DNAH1: variants seen among roughly 807,000 people sequenced by gnomAD.
DNAH1 encodes axonemal beta dynein heavy chain 1.
DNAH1 carries 327 observed loss-of-function variants against 484.3 expected under a neutral mutation model. The ratio of observed to expected loss-of-function variants is 0.68; its 90% confidence interval spans 0.62 to 0.74. The LOEUF (loss-of-function observed/expected upper bound fraction) is 0.74. Ranked by LOEUF, DNAH1 falls within the 30% of genes least tolerant of loss-of-function variation. The pLI, the probability that DNAH1 is intolerant of heterozygous loss-of-function variation, is 0.00. For synonymous variants in DNAH1, 2,192 were observed against 2,191.9 expected, an observed-to-expected ratio of 1.00 and a Z score of 0.00; for missense variants, 5,052 against 5,546.8, an observed-to-expected ratio of 0.91 and a Z score of 2.83.
chr3:52,398,130 A>G lies in DNAH1; in HGVS notation c.12057A>G (p.Ser4019=), dbSNP rs754010945. The G allele has an allele frequency of 1.2e-6, 2 of 1,613,440 alleles. No individual in the cohort carries two copies. Among genetic ancestry groups the G allele is most frequent in the Non-Finnish European group, 1.7e-6 (2 of 1,179,812 alleles). ...AGTACCCAGTGCTGTATGAGGAATC[A>G]ATGAACACAGTACTAGTACAAGAGG... ...MAKYPVLYEE[S]MNTVLVQEVI... The change falls in exon 75 of 78, where the codon TCA becomes TCG. Residue 4019 remains serine, a synonymous_variant. Coordinates refer to ENST00000420323, the MANE Select transcript of DNAH1 (RefSeq NM_015512.5).
In DNAH1 at chr3:52,392,712, A is replaced by G. The variant is rs753193553; in HGVS notation, c.10278+23A>G. 2.4e-6 allele frequency: 3 copies of G among 1,246,434 alleles called. No individual in the cohort carries two copies. The South Asian group carries it at 3.9e-5, about 16-fold the overall frequency. 77.2% of individuals were successfully genotyped at this position (1,246,434 alleles called of 1,614,324 possible). ...CAGGTCAGCTGCTGCCTGCCCACCC[A>G]CCTGCCCCGGGAGTGCCCCGGGCCT... is the stretch of plus-strand genomic sequence containing the variant. On this transcript the variant is annotated intron_variant, in intron 64 of 77. Transcript: ENST00000420323.
At chr3:52,340,187 A>G (rs1701884695) in intron 8 of DNAH1, among the ~76,000 whole-genome samples, 1 of 152,100 alleles carries the variant, frequency 6.6e-6, no homozygotes, top group Admixed American at 6.5e-5. Flanking sequence ...GGCTCAAGTA[A>G]TCCTCCTGCC....
intron 36 of DNAH1, 147 bp downstream of exon 36, chr3:52,367,034 T>G: frequency 1.0e-6 from 1 of 993,700 alleles, no homozygotes; most frequent in African/African-American, 1.6e-5. Context: ...TTCTACTTCC[T>G]CGCTGAGTGA....
At chr3:52,319,973 C>G (rs1046942262) in intron 1 of DNAH1, among the ~76,000 whole-genome samples, 6 of 152,144 alleles carry the variant, frequency 3.9e-5, no homozygotes, top group African/African-American at 1.4e-4. Flanking sequence ...CCCCAGCAAC[C>G]CTGCAGTTTC....
Position 52,352,617 on chromosome 3 carries a change from G to A in DNAH1, c.2937G>A (p.Val979=), listed in dbSNP as rs751764813. 1 of 1,612,890 alleles carries A rather than the reference G, an allele frequency of 6.2e-7. No individual in the cohort carries two copies. Among genetic ancestry groups the A allele is most frequent in the Non-Finnish European group, 8.5e-7 (1 of 1,179,692 alleles). Residue 979 remains valine (V), a synonymous_variant, in exon 18 of 78, where the codon GTG becomes GTA. Coordinates refer to ENST00000420323, the MANE Select transcript of DNAH1 (RefSeq NM_015512.5). The stretch of plus-strand genomic sequence containing the variant: ...GTGCACACGAGATCGCCAACGAGGT[G>A]CGGCGTGTCAAGAAGCAGCTGAAGG... ...ISRAHEIANE[V]RRVKKQLKDC... is the part of the protein sequence containing the mutation.
chr3:52,368,690 C>G lies in DNAH1; in HGVS notation c.5766-51C>G, dbSNP rs1478858164. ...GGCTTCCCTGGGAGCCAGCTGTGCT[C>G]GAAGCACCGCCTCCCTGATGTTTCC... On this transcript the variant is annotated intron_variant, in intron 36 of 77. Coordinates refer to ENST00000420323, the MANE Select transcript of DNAH1 (RefSeq NM_015512.5). This position sits in a 1 kb window ranked among gnomAD's most constrained non-coding sequence, Gnocchi z 4.4. 8 of 1,575,906 alleles carry G rather than the reference C, an allele frequency of 5.1e-6. No homozygotes were observed. The highest frequency in any genetic ancestry group is 6.9e-6 in the Non-Finnish European group (8 of 1,154,286).
Position 52,388,196 on chromosome 3 carries a change from C to T in DNAH1, c.9033C>T (p.Ala3011=). 1.2e-6 allele frequency: 2 copies of T among 1,609,872 alleles called. No homozygotes were observed. The highest frequency in any genetic ancestry group is 4.5e-5 in the East Asian group (2 of 44,746). ...KDNIGDVVIK[A]IQPYIDNEEF... ...ACATTGGGGATGTGGTGATCAAAGCCATCCAGCCGTACATCGATAATGAAG... is the reference window on the plus strand; with the variant it reads ...ACATTGGGGATGTGGTGATCAAAGCTATCCAGCCGTACATCGATAATGAAG... The change falls in exon 57 of 78, where the codon GCC becomes GCT. Residue 3011 remains alanine, a synonymous_variant. Transcript: ENST00000420323.
Position 52,366,855 on chromosome 3 carries a change from G to C in DNAH1, c.5733G>C (p.Leu1911=). 3.1e-6 allele frequency: 5 copies of C among 1,613,758 alleles called. No homozygotes were observed. Among genetic ancestry groups the C allele is most frequent in the Non-Finnish European group, 3.4e-6 (4 of 1,179,728 alleles). The change falls in exon 36 of 78, where the codon CTG becomes CTC. Residue 1911 remains leucine (L), a synonymous_variant. Transcript: ENST00000420323. ...LNPKSITMGQ[L]YGEFDLLTHE... ...CCAAGTCCATCACGATGGGCCAGCT[G>C]TACGGGGAGTTTGACCTCCTCACCC...
In DNAH1 at chr3:52,381,929, G is replaced by A. The variant is rs746729492; in HGVS notation, c.7805+93G>A. The A allele has an allele frequency of 7.3e-5, 99 of 1,361,680 alleles. No individual in the cohort carries two copies. Among genetic ancestry groups the A allele is most frequent in the Non-Finnish European group, 9.3e-5 (94 of 1,013,584 alleles). The allele number at this position is 1,361,680 out of a possible 1,614,324, so 84.3% of individuals were successfully genotyped here. A position where few individuals can be genotyped will look rare whatever the true frequency, so the allele number is the denominator to read the frequency against. ...GCTTTTGCACAGTGGTAGAGGCCTC[G>A]GGCAACCCTGAAGTAGGCCCGTGCA... On this transcript the variant is annotated intron_variant, in intron 49 of 77. Transcript: ENST00000420323. This position sits in a 1 kb window ranked among gnomAD's most constrained non-coding sequence, Gnocchi z 4.1.
Position 52,386,698 on chromosome 3 carries a change from CTG to C in DNAH1, c.8849_8850del (p.Leu2950ArgfsTer27). The C allele has an allele frequency of 1.9e-6, 3 of 1,592,030 alleles. No individual in the cohort carries two copies. The highest frequency in any genetic ancestry group is 2.6e-6 in the Non-Finnish European group (3 of 1,169,716). The part of the protein sequence containing the change: ...AMQRPPPGVK[L>X]VIEAVCIMKG... Reference sequence around the variant, plus strand: ...GCAGCGGCCACCCCCGGGTGTGAAACTGGTCATAGAAGCTGTGTGCATTATGA... The same window carrying C: ...GCAGCGGCCACCCCCGGGTGTGAAACGTCATAGAAGCTGTGTGCATTATGA... On this transcript the variant is annotated frameshift_variant, in exon 56 of 78. Coordinates refer to ENST00000420323, the MANE Select transcript of DNAH1 (RefSeq NM_015512.5). LOFTEE classifies it high-confidence loss of function.
rs1702458349 is a variant in DNAH1, at chr3:52,353,018, A to AGG, written c.3028-84_3028-83dup. ...TCAGCCAGGAGCAAGGGAGAGGGAGAGGACCTGGCCCAAGAAGGGGCAACA... is the reference window on the plus strand; with the variant it reads ...TCAGCCAGGAGCAAGGGAGAGGGAGAGGGGACCTGGCCCAAGAAGGGGCAACA... On this transcript the variant is annotated intron_variant, in intron 18 of 77. Transcript: ENST00000420323. This position sits in a 1 kb window ranked among gnomAD's most constrained non-coding sequence, Gnocchi z 5.0. The AGG allele has an allele frequency of 7.4e-7, 1 of 1,351,446 alleles. No homozygotes were observed. The highest frequency in any genetic ancestry group is 1.5e-5 in the African/African-American group (1 of 68,814). 83.7% of individuals were successfully genotyped at this position (1,351,446 alleles called of 1,614,324 possible).
Position 52,344,541 on chromosome 3 carries a change from G to A in DNAH1, c.1338G>A (p.Glu446=), listed in dbSNP as rs776309231. 3 of 1,614,022 alleles carry A rather than the reference G, an allele frequency of 1.9e-6. No individual in the cohort carries two copies. The highest frequency in any genetic ancestry group is 2.2e-5 in the East Asian group (1 of 44,888). Residue 446 remains glutamate (E), a synonymous_variant, in exon 9 of 78, where the codon GAG becomes GAA. Transcript: ENST00000420323. The stretch of plus-strand genomic sequence containing the variant: ...CCAGAGAAGTGAGCCTGGACTATGA[G>A]CGCAGCATGAACAAGATCAACTTTG... ...SLAREVSLDY[E]RSMNKINFDH...
chr3:52,391,418 T>G (rs1704375728), intron 62 of DNAH1, 25 bp from the exon 63 acceptor site: 1 of 1,600,030 alleles, frequency 6.2e-7, no homozygotes, highest in Non-Finnish European at 8.5e-7. Flanking sequence ...CAGGCCACAG[T>G]ACCCACCGGT....
At position 52,386,127 on chromosome 3, in the gene DNAH1, G is replaced by A. The variant is rs755874702; in HGVS notation, c.8626-33G>A. On this transcript the variant is annotated intron_variant, in intron 54 of 77. Coordinates refer to ENST00000420323, the MANE Select transcript of DNAH1 (RefSeq NM_015512.5). ...GACTAAGATGCAGAGAAGAGAAAAG[G>A]GGGGAGGACATCCCTATGTCTCCCA... 23 of 1,591,166 alleles carry A rather than the reference G, an allele frequency of 1.4e-5. 1 individual carries two copies. Among genetic ancestry groups the A allele is most frequent in the South Asian group, 4.5e-5 (4 of 88,012 alleles).
Position 52,368,885 on chromosome 3 carries a change from C to T in DNAH1, c.5910C>T (p.Cys1970=). ...TGCTGGATGACAACAAGAAGCTGTG[C>T]CTCAGCTCTGGGGAGATCATCAAGC... is the stretch of plus-strand genomic sequence containing the variant. The part of the protein sequence containing the change: ...NTVLDDNKKL[C]LSSGEIIKLT... Residue 1970 remains cysteine, a synonymous_variant, in exon 37 of 78, where the codon TGC becomes TGT. Transcript: ENST00000420323. This position sits in a 1 kb window ranked among gnomAD's most constrained non-coding sequence, Gnocchi z 4.4. The T allele has an allele frequency of 6.2e-7, 1 of 1,613,986 alleles. No individual in the cohort carries two copies. The highest frequency in any genetic ancestry group is 8.5e-7 in the Non-Finnish European group (1 of 1,179,884).
At position 52,366,805 on chromosome 3, in the gene DNAH1, G is replaced by A. The variant is rs1388832514; in HGVS notation, c.5683G>A (p.Ala1895Thr). ...ATCCATCAGTGGTGGCATGTACGAG[G>A]CTGTCAACTACTACGTGCTCAACCC... is the stretch of plus-strand genomic sequence containing the variant. ...QPSISGGMYEAVNYYVLNPKS... is the reference protein window; with the variant it reads ...QPSISGGMYETVNYYVLNPKS... The change falls in exon 36 of 78, where the codon GCT (alanine) becomes ACT (threonine). Residue 1895 changes from alanine to threonine, a missense_variant. By Grantham distance (58) the Ala-to-Thr change is moderately conservative. Around this residue, in one of 4 missense-constraint regions of DNAH1, gnomAD observed 2,929 missense variants for 3,409.4 expected, o/e 0.86. Transcript: ENST00000420323. 5 of 1,613,836 alleles carry A rather than the reference G, an allele frequency of 3.1e-6. No individual in the cohort carries two copies. Among genetic ancestry groups the A allele is most frequent in the Admixed American group, 1.7e-5 (1 of 59,994 alleles).
rs1169738695 is a variant in DNAH1 at position 52,370,372 on chromosome 3, GAAAC to G, written c.6259-101_6259-98del. 3.8e-6 allele frequency: 6 copies of G among 1,566,078 alleles called. No homozygotes were observed. The African/African-American group carries it at 5.4e-5, about 14-fold the overall frequency. On this transcript the variant is annotated intron_variant, in intron 39 of 77. Transcript: ENST00000420323. ...GACCACCTGTCCAATTGGCTGTAGA[GAAAC>G]AAAGCTGTGTAGCAGAGGTCAAGAC...
At position 52,380,062 on chromosome 3, in the gene DNAH1, C is replaced by T; in HGVS notation, c.7535C>T (p.Pro2512Leu). The change falls in exon 48 of 78, where the codon CCC (proline) becomes CTC (leucine). Residue 2512 changes from proline (P) to leucine (L), a missense_variant. Pro to Leu is a moderately conservative substitution (Grantham distance 98, BLOSUM62 -3). This residue lies in a region of DNAH1 where 2,929 missense variants were observed against 3,409.4 expected (regional missense o/e 0.86). Coordinates refer to ENST00000420323, the MANE Select transcript of DNAH1 (RefSeq NM_015512.5). ...TTCAACAAGGTCTGCCCCTTCCAGC[C>T]CATTCTTTACGGGGACTTCATGTCA... ...VTFNKVCPFQ[P>L]ILYGDFMSPG... The T allele has an allele frequency of 6.2e-7, 1 of 1,604,888 alleles. No homozygotes were observed. Among genetic ancestry groups the T allele is most frequent in the Non-Finnish European group, 8.5e-7 (1 of 1,175,780 alleles).
chr3:52,395,128 C>A lies in DNAH1; in HGVS notation c.10968+69C>A. ...CCCACCCTGGGTCCCAGGGCCCTGG[C>A]TGCATCTGGATAGACTACTTGGCCA... On this transcript the variant is annotated intron_variant, in intron 68 of 77. Coordinates refer to ENST00000420323, the MANE Select transcript of DNAH1 (RefSeq NM_015512.5). The surrounding 1 kb of genome is among the most constrained non-coding windows in gnomAD (Gnocchi z 4.4). 6.5e-7 allele frequency: 1 copy of A among 1,548,130 alleles called. No homozygotes were observed. Among genetic ancestry groups the A allele is most frequent in the South Asian group, 1.2e-5 (1 of 82,072 alleles).
Sources: allele counts gnomAD v4.1 joint callset (sites outside exome capture counted in the v4.1 genomes callset), GRCh38; gene constraint gnomAD v4.1.1; regional missense constraint gnomAD v4.1.1; non-coding constraint Gnocchi (gnomAD v3.1); transcripts MANE v1.5; gene names NCBI Gene and HGNC (gene_info 2026-07-23, HGNC 2026-07-21).